Variants in COBLL1 observed in about 807,000 individuals in gnomAD.
The protein encoded by COBLL1 is cordon-bleu WH2 repeat protein like 1, also known as cordon-bleu protein-like 1.
In COBLL1, 50 loss-of-function variants were observed where a neutral mutation model predicts 94.8. That is an observed-to-expected ratio of 0.53 (90% CI 0.42 to 0.67). The LOEUF is 0.67. Ranked by LOEUF, COBLL1 falls within the 30% of genes least tolerant of loss-of-function variation. The pLI is 0.00. For synonymous variants in COBLL1, 448 were observed against 473.8 expected (o/e 0.95, Z 0.71); for missense variants, 1,362 against 1,348.7 (o/e 1.01, Z -0.15).
intron 2 of COBLL1, among the ~76,000 whole-genome samples, chr2:164,757,044 A>G (rs1352094704): frequency 6.6e-6 from 1 of 152,146 alleles, no homozygotes; most frequent in African/African-American, 2.4e-5. Flanking sequence ...TTAAGAAAAT[A>G]CTGAGGCCTA....
At position 164,682,465 on chromosome 2, in the gene COBLL1, C is replaced by T. The variant is rs1311120188; in HGVS notation, c.*3481G>A. ...ATTGGGACGCTTTGGGTTTTAAGCA[C>T]CTATAAGTAACTAAGTCTCAGGACA... On this transcript the variant is annotated 3_prime_UTR_variant, in exon 14 of 14. Transcript: ENST00000652658. 1 of 152,106 alleles carries T rather than the reference C, an allele frequency of 6.6e-6. No homozygotes were observed. Among genetic ancestry groups the T allele is most frequent in the Non-Finnish European group, 1.5e-5 (1 of 68,024 alleles). 9.4% of individuals were successfully genotyped at this position (152,106 alleles called of 1,614,324 possible). A position where few individuals can be genotyped will look rare whatever the true frequency, so the allele number is the denominator to read the frequency against.
At chr2:164,778,745 G>A (rs1244208464) in intron 2 of COBLL1, among the ~76,000 whole-genome samples, 2 of 152,166 alleles carry the variant, frequency 1.3e-5, no homozygotes, top group Non-Finnish European at 1.5e-5. Context: ...AAAAGGTTAA[G>A]ACCAGGGACA....
rs1180822203 is a variant in COBLL1 at position 164,683,653 on chromosome 2, C to A, written c.*2293G>T. Reference sequence around the variant, plus strand: ...CTTGGTTCCCACAGGTAACCACCAGCAAATTTTTTTCCTACATATACAGCC... The same window carrying A: ...CTTGGTTCCCACAGGTAACCACCAGAAAATTTTTTTCCTACATATACAGCC... On this transcript the variant is annotated 3_prime_UTR_variant, in exon 14 of 14. Transcript: ENST00000652658. The A allele has an allele frequency of 6.6e-6, 1 of 152,106 alleles. No individual in the cohort carries two copies. Among genetic ancestry groups the A allele is most frequent in the African/African-American group, 2.4e-5 (1 of 41,430 alleles). The allele number at this position is 152,106 out of a possible 1,614,324, so 9.4% of individuals were successfully genotyped here.
chr2:164,782,459 G>T (rs991516428), intron 2 of COBLL1, among the ~76,000 whole-genome samples: 1 of 151,792 alleles, frequency 6.6e-6, no homozygotes, highest in South Asian at 2.1e-4. Context: ...TTTTGCAATC[G>T]GTGACATCAT....
At chr2:164,692,148 A>C in intron 13 of COBLL1, 73 bp downstream of exon 13, 1 of 1,384,384 alleles carries the variant, frequency 7.2e-7, no homozygotes, top group Non-Finnish European at 9.6e-7. Flanking sequence ...TGCTAGAAAA[A>C]TTTTTCCCTA....
intron 2 of COBLL1, among the ~76,000 whole-genome samples, chr2:164,662,492 T>C (rs1437301945): frequency 6.6e-6 from 1 of 152,176 alleles, no homozygotes; most frequent in Non-Finnish European, 1.5e-5. Flanking sequence ...TAAACTTACT[T>C]CTGTTATGCA....
At chr2:164,833,628 T>C (rs1683189133) in intron 2 of COBLL1, among the ~76,000 whole-genome samples, 1 of 151,942 alleles carries the variant, frequency 6.6e-6, no homozygotes, top group African/African-American at 2.4e-5. Flanking sequence ...TTTTTTGTAT[T>C]TTTAGTAGAG....
chr2:164,737,749 C>T (rs1179760694), intron 3 of COBLL1, among the ~76,000 whole-genome samples: 1 of 152,104 alleles, frequency 6.6e-6, no homozygotes, highest in Non-Finnish European at 1.5e-5. Context: ...CCACACCGAT[C>T]CCTTTATCTT....
chr2:164,775,371 G>A (rs1484312512), intron 2 of COBLL1, among the ~76,000 whole-genome samples: 1 of 152,036 alleles, frequency 6.6e-6, no homozygotes, highest in African/African-American at 2.4e-5. Flanking sequence ...ATTTGATGTT[G>A]CCAATCCTGA....
chr2:164,840,179 G>T (rs1351699351), intron 2 of COBLL1, among the ~76,000 whole-genome samples: 1 of 152,160 alleles, frequency 6.6e-6, no homozygotes, highest in Admixed American at 6.5e-5. Flanking sequence ...TAGTGACAAC[G>T]TCGATTTTTC....
intron 7 of COBLL1, among the ~76,000 whole-genome samples, chr2:164,717,360 T>C (rs1412083859): frequency 6.6e-6 from 1 of 152,194 alleles, no homozygotes; most frequent in Admixed American, 6.5e-5. Flanking sequence ...ATAGTGATAT[T>C]TTACATTTTC....
chr2:164,701,798 A>C (rs558184426), intron 9 of COBLL1, among the ~76,000 whole-genome samples: 2 of 149,500 alleles, frequency 1.3e-5, no homozygotes, highest in African/African-American at 4.9e-5. Context: ...AGCCAGAGTG[A>C]GGTTCTGGAT....
At chr2:164,751,870 C>T (rs1225873162) in intron 2 of COBLL1, among the ~76,000 whole-genome samples, 1 of 152,118 alleles carries the variant, frequency 6.6e-6, no homozygotes. Context: ...TCATTTTGCC[C>T]AGACGCTCGG....
chr2:164,757,462 T>C (rs979377963), intron 2 of COBLL1, among the ~76,000 whole-genome samples: 1 of 152,112 alleles, frequency 6.6e-6, no homozygotes, highest in Non-Finnish European at 1.5e-5. Flanking sequence ...AAATTCCTCA[T>C]GAAAGAAACA....
At chr2:164,661,499 A>G (rs1183495900) in intron 2 of COBLL1, among the ~76,000 whole-genome samples, 3 of 152,152 alleles carry the variant, frequency 2.0e-5, no homozygotes, top group African/African-American at 7.2e-5. Flanking sequence ...ATGATTTACC[A>G]CTGACATTTT....
intron 5 of COBLL1, among the ~76,000 whole-genome samples, chr2:164,726,214 A>G (rs1685715023): frequency 6.6e-6 from 1 of 152,220 alleles, no homozygotes; most frequent in African/African-American, 2.4e-5. Flanking sequence ...TAGGAGTAAA[A>G]GTCAAGTACA....
At chr2:164,769,872 A>G (rs1407493398) in intron 2 of COBLL1, among the ~76,000 whole-genome samples, 1 of 152,168 alleles carries the variant, frequency 6.6e-6, no homozygotes, top group South Asian at 2.1e-4. Context: ...TCAAAGAACC[A>G]ACAGTTTATT....
chr2:164,757,116 G>C (rs895829216), intron 2 of COBLL1, among the ~76,000 whole-genome samples: 1 of 152,110 alleles, frequency 6.6e-6, no homozygotes, highest in Non-Finnish European at 1.5e-5. Flanking sequence ...ATCTCCCCAA[G>C]AGATTCTAAA....
At chr2:164,752,479 GT>G (rs1687175469) in intron 2 of COBLL1, among the ~76,000 whole-genome samples, 6 of 142,654 alleles carry the variant, frequency 4.2e-5, no homozygotes, top group Admixed American at 2.0e-4. Context: ...AAAAAAATAT[GT>G]GGTTATTGAA....
Sources: allele counts gnomAD v4.1 joint callset (sites outside exome capture counted in the v4.1 genomes callset), GRCh38; gene constraint gnomAD v4.1.1; transcripts MANE v1.5; gene names NCBI Gene and HGNC (gene_info 2026-07-23, HGNC 2026-07-21).